The following CDH22 variants were observed in gnomAD, a reference collection of about 807,000 sequenced individuals.
The protein encoded by CDH22 is cadherin 22, also known as cadherin-22.
In CDH22, 30 loss-of-function variants were observed where a neutral mutation model predicts 58.4. That is an observed-to-expected ratio of 0.51 (90% confidence interval 0.38 to 0.70). CDH22 has a LOEUF of 0.70. Among genes scored for constraint, CDH22 ranks in the 30% least tolerant of loss-of-function variants. CDH22 has a pLI of 0.00. For synonymous variants in CDH22, 513 were observed against 558.2 expected (o/e 0.92, Z 1.14); for missense variants, 1,014 against 1,233.9 (o/e 0.82, Z 2.67).
intron 1 of CDH22, among the ~76,000 whole-genome samples, chr20:46,292,538 T>C (rs1448958560): frequency 2.6e-5 from 4 of 152,174 alleles, no homozygotes; most frequent in Admixed American, 2.0e-4. Flanking sequence ...CTAACTCTGA[T>C]GTTCTGATTT....
intron 1 of CDH22, among the ~76,000 whole-genome samples, chr20:46,295,997 A>C (rs1216798926): frequency 2.0e-5 from 3 of 152,160 alleles, no homozygotes; most frequent in Non-Finnish European, 4.4e-5. Flanking sequence ...TCCTGGCCTC[A>C]AGTGATCCTC....
At chr20:46,257,872 AG>A (rs1411541885) in intron 1 of CDH22, among the ~76,000 whole-genome samples, 2 of 152,150 alleles carry the variant, frequency 1.3e-5, no homozygotes, top group Non-Finnish European at 2.9e-5. Context: ...GGAGATGAGG[AG>A]GAAACAGCAA....
At chr20:46,194,474 C>T (rs1600690226) in intron 8 of CDH22, among the ~76,000 whole-genome samples, 1 of 152,210 alleles carries the variant, frequency 6.6e-6, no homozygotes, top group Admixed American at 6.5e-5. Flanking sequence ...CCTTCCTTGG[C>T]GTCTGTCTCC....
intron 6 of CDH22, among the ~76,000 whole-genome samples, chr20:46,212,554 A>G (rs2086050875): frequency 1.3e-5 from 2 of 152,216 alleles, no homozygotes; most frequent in Non-Finnish European, 1.5e-5. Flanking sequence ...CCTGGGTTCA[A>G]ATCTCTACCA....
At chr20:46,221,745 C>G (rs1434080856) in intron 4 of CDH22, among the ~76,000 whole-genome samples, 4 of 152,182 alleles carry the variant, frequency 2.6e-5, no homozygotes, top group Non-Finnish European at 5.9e-5. Flanking sequence ...AACATATTTT[C>G]CTATCTACTA....
chr20:46,182,567 C>T (rs1388777842), intron 10 of CDH22, among the ~76,000 whole-genome samples: 1 of 152,196 alleles, frequency 6.6e-6, no homozygotes, highest in Admixed American at 6.5e-5. Context: ...CCCACCACTC[C>T]TCCACCCCAT....
intron 8 of CDH22, 93 bp downstream of exon 8, chr20:46,199,330 C>T (rs2085935749): frequency 3.5e-6 from 5 of 1,444,404 alleles, no homozygotes; most frequent in African/African-American, 2.8e-5. Flanking sequence ...GACAGGGCTG[C>T]CTTGGCCCTG....
At chr20:46,270,065 G>T (rs2086479589) in intron 1 of CDH22, among the ~76,000 whole-genome samples, 1 of 152,334 alleles carries the variant, frequency 6.6e-6, no homozygotes, top group East Asian at 1.9e-4. Context: ...TCGCCATATA[G>T]AGCAAAGGGG....
intron 6 of CDH22, among the ~76,000 whole-genome samples, chr20:46,211,396 C>G (rs2145688949): frequency 6.6e-6 from 1 of 152,352 alleles, no homozygotes; most frequent in South Asian, 2.1e-4. Flanking sequence ...CCACCCCCGA[C>G]TTCTCCAGCA....
intron 1 of CDH22, among the ~76,000 whole-genome samples, chr20:46,271,930 C>T (rs943002225): frequency 1.3e-5 from 2 of 152,198 alleles, no homozygotes; most frequent in Non-Finnish European, 2.9e-5. Flanking sequence ...TCTCTCATGC[C>T]TCCACTTAGA....
Position 46,308,217 on chromosome 20 carries a change from G to C in CDH22, c.-400+38C>G, listed in dbSNP as rs1253407991. ...TGCCGGGCAGCCTCCCCTCGGCGGCGATCCGGCCGCTCCTCCCGCGGCACC... is the reference window on the plus strand; with the variant it reads ...TGCCGGGCAGCCTCCCCTCGGCGGCCATCCGGCCGCTCCTCCCGCGGCACC... On this transcript the variant is annotated intron_variant, in intron 1 of 11. Transcript: ENST00000537909. The surrounding 1 kb of genome is among the most constrained non-coding windows in gnomAD (Gnocchi z 4.3). 3 of 151,456 alleles carry C rather than the reference G, an allele frequency of 2.0e-5. No individual in the cohort carries two copies. The East Asian group carries it at 5.9e-4, about 30-fold the overall frequency. The allele number at this position is 151,456 out of a possible 1,614,324, so 9.4% of individuals were successfully genotyped here.
chr20:46,199,196 C>T (rs369549798), intron 8 of CDH22, among the ~76,000 whole-genome samples: 72 of 152,370 alleles, frequency 4.7e-4, no homozygotes, highest in African/African-American at 1.6e-3. Flanking sequence ...ACTTGCAACC[C>T]TGCTGGATCT....
intron 1 of CDH22, among the ~76,000 whole-genome samples, chr20:46,274,804 T>A (rs2425837): frequency 1.3e-5 from 2 of 149,224 alleles, no homozygotes; most frequent in Non-Finnish European, 1.5e-5. Flanking sequence ...AAAAACATTA[T>A]GTGCAATGAA....
chr20:46,191,456 G>A (rs1170524811), intron 8 of CDH22, among the ~76,000 whole-genome samples: 6 of 152,182 alleles, frequency 3.9e-5, no homozygotes, highest in Admixed American at 3.3e-4. Context: ...AAGGCAAGAG[G>A]AGACGGGGCC....
chr20:46,186,502 C>T (rs576200498), intron 10 of CDH22, 86 bp downstream of exon 10: 43 of 947,984 alleles, frequency 4.5e-5, no homozygotes, highest in African/African-American at 2.1e-4. Context: ...GCCCTGTGGG[C>T]GCCTCCGTCC....
chr20:46,218,917 G>A (rs1466931718), intron 4 of CDH22, among the ~76,000 whole-genome samples: 5 of 152,130 alleles, frequency 3.3e-5, no homozygotes, highest in Admixed American at 1.3e-4. Flanking sequence ...GGTGGTGCCC[G>A]GGGCCTGTGC....
chr20:46,253,064 G>A (rs2086388667), intron 1 of CDH22, among the ~76,000 whole-genome samples: 1 of 152,218 alleles, frequency 6.6e-6, no homozygotes, highest in South Asian at 2.1e-4. Flanking sequence ...ATGGTGTGTA[G>A]TGGGTTGGGG....
chr20:46,307,473 A>T (rs569480441), intron 1 of CDH22, among the ~76,000 whole-genome samples: 1 of 152,178 alleles, frequency 6.6e-6, no homozygotes, highest in Non-Finnish European at 1.5e-5. Flanking sequence ...TTTGGACGTT[A>T]GGCTGTCGGG....
intron 4 of CDH22, chr20:46,219,846 T>C (rs2086111347): frequency 6.6e-6 from 1 of 152,278 alleles, no homozygotes; most frequent in Non-Finnish European, 1.5e-5. Context: ...AAGTACCTTG[T>C]TGAAGGTCAC....
Sources: gnomAD v4.1 joint callset for allele counts (sites outside exome capture counted in the v4.1 genomes callset) on GRCh38, gnomAD v4.1.1 for gene constraint, Gnocchi (gnomAD v3.1) non-coding constraint, MANE v1.5 for transcripts, NCBI Gene and HGNC (gene_info 2026-07-23, HGNC 2026-07-21) for gene names.